KIF26B: variants seen among roughly 807,000 people sequenced by gnomAD.
KIF26B encodes the protein kinesin family member 26B.
In KIF26B, 63 loss-of-function variants were observed where a neutral mutation model predicts 151.2. The observed-to-expected ratio is 0.42, with a 90% CI of 0.34 to 0.51. The LOEUF (loss-of-function observed/expected upper bound fraction) is 0.51, where lower values mean the gene tolerates loss of function less well. KIF26B is among the 20% of genes least tolerant of loss of function. KIF26B has a pLI of 0.07. For missense variants in KIF26B, 2,813 were observed against 2,913.6 expected, an observed-to-expected ratio of 0.97 and a Z score of 0.79; for synonymous variants, 1,357 against 1,262.1, an observed-to-expected ratio of 1.08 and a Z score of -1.59.
Position 245,156,653 on chromosome 1 carries a change from G to A in KIF26B, c.435G>A (p.Arg145=), listed in dbSNP as rs752444847. ...RLVELKRQAL[R]LLLPGPFPGK... ...TGGAGCTCAAGAGGCAGGCCCTGAG[G>A]TTGCTCCTCCCGGGGCCCTTCCCGG... is the stretch of plus-strand genomic sequence containing the variant. The change falls in exon 2 of 15, where the codon AGG becomes AGA. Residue 145 remains arginine, a synonymous_variant. Coordinates refer to ENST00000407071, the MANE Select transcript of KIF26B (RefSeq NM_018012.4). The A allele has an allele frequency of 7.3e-4, 1,113 of 1,514,906 alleles. 3 individuals are homozygous for A. Among genetic ancestry groups the A allele is most frequent in the Non-Finnish European group, 9.3e-4 (1,057 of 1,138,748 alleles). 93.8% of individuals were successfully genotyped at this position (1,514,906 alleles called of 1,614,324 possible).
chr1:245,658,425 G>A (rs922756750), intron 10 of KIF26B, among the ~76,000 whole-genome samples: 2 of 152,038 alleles, frequency 1.3e-5, no homozygotes, highest in East Asian at 1.9e-4. Flanking sequence ...TTGAGACAGG[G>A]TGTCACTCCG....
rs188172146 is a variant in KIF26B at position 245,343,412 on chromosome 1, A to G, written c.466-23422A>G. ...TTATGTCTTTATGAGGAATATCTCC[A>G]TTCTGCCTCTGCTCTGCCAGGGTAA... On this transcript the variant is annotated intron_variant, in intron 2 of 14. Coordinates refer to ENST00000407071, the MANE Select transcript of KIF26B (RefSeq NM_018012.4). Among the ~76,000 whole-genome samples, 4 of 151,794 alleles carry G rather than the reference A, an allele frequency of 2.6e-5. No individual in the cohort carries two copies. In the East Asian group the frequency reaches 7.7e-4, roughly 29 times the overall value.
chr1:245,248,833 T>C (rs570054016), intron 2 of KIF26B, among the ~76,000 whole-genome samples: 2 of 152,198 alleles, frequency 1.3e-5, no homozygotes, highest in Non-Finnish European at 1.5e-5. Context: ...GGAAATCAAG[T>C]GTAAATCAGT....
chr1:245,370,742 T>C, intron 3 of KIF26B: 1 of 419,424 alleles, frequency 2.4e-6, no homozygotes, highest in South Asian at 1.7e-5. Flanking sequence ...AGATGCTGCT[T>C]AAACGGCCGA....
At chr1:245,277,006 G>A (rs879503099) in intron 2 of KIF26B, among the ~76,000 whole-genome samples, 18 of 152,142 alleles carry the variant, frequency 1.2e-4, no homozygotes, top group Non-Finnish European at 2.1e-4. Flanking sequence ...AAACACAGAG[G>A]AGAAGGCCAT....
At chr1:245,410,441 TTCTC>T (rs143484603) in intron 3 of KIF26B, among the ~76,000 whole-genome samples, 5 of 151,258 alleles carry the variant, frequency 3.3e-5, no homozygotes, top group Non-Finnish European at 7.4e-5. Context: ...TGTTGTGGGA[TTCTC>T]TCTCTCTCTC....
At chr1:245,428,377 G>A (rs775580282) in intron 4 of KIF26B, among the ~76,000 whole-genome samples, 6 of 152,104 alleles carry the variant, frequency 3.9e-5, no homozygotes, top group Non-Finnish European at 7.4e-5. Flanking sequence ...GATTTCAAGG[G>A]CCCTAGAAAA....
At chr1:245,660,621 A>G (rs1220959449) in intron 10 of KIF26B, among the ~76,000 whole-genome samples, 2 of 151,926 alleles carry the variant, frequency 1.3e-5, no homozygotes, top group African/African-American at 2.4e-5. Context: ...GATTACAGGC[A>G]TGAGCCACCG....
chr1:245,541,014 G>A (rs2103102905), intron 5 of KIF26B, 64 bp downstream of exon 5: 1 of 1,390,420 alleles, frequency 7.2e-7, no homozygotes, highest in East Asian at 2.3e-5. Flanking sequence ...AGTTTCAGGA[G>A]GAAGAAAATG....
chr1:245,193,775 A>T (rs1180140967), intron 2 of KIF26B, among the ~76,000 whole-genome samples: 1 of 152,318 alleles, frequency 6.6e-6, no homozygotes, highest in East Asian at 1.9e-4. Context: ...GCGTCCCTCC[A>T]CTGCGCCAGA....
At chr1:245,661,661 C>G (rs1445592278) in intron 10 of KIF26B, among the ~76,000 whole-genome samples, 3 of 148,528 alleles carry the variant, frequency 2.0e-5, no homozygotes, top group Non-Finnish European at 4.4e-5. Context: ...TATATATAGA[C>G]ACACACACTC....
intron 5 of KIF26B, among the ~76,000 whole-genome samples, chr1:245,570,037 G>A (rs1452049854): frequency 2.9e-5 from 4 of 137,222 alleles, no homozygotes; most frequent in African/African-American, 5.5e-5. Context: ...CTGGGTTCAC[G>A]CCATTCTCCT....
At chr1:245,518,091 T>G (rs911540676) in intron 4 of KIF26B, among the ~76,000 whole-genome samples, 1 of 152,016 alleles carries the variant, frequency 6.6e-6, no homozygotes, top group African/African-American at 2.4e-5. Context: ...AGGCTGGTCT[T>G]GAACTCCTGA....
chr1:245,184,942 T>C (rs1306077232), intron 2 of KIF26B, among the ~76,000 whole-genome samples: 1 of 152,194 alleles, frequency 6.6e-6, no homozygotes, highest in African/African-American at 2.4e-5. Flanking sequence ...AGCACTTAAT[T>C]AGACATTTCT....
intron 11 of KIF26B, among the ~76,000 whole-genome samples, chr1:245,685,084 C>T (rs2044492335): frequency 2.0e-5 from 3 of 152,266 alleles, no homozygotes; most frequent in South Asian, 2.1e-4. Flanking sequence ...GTTTCTTAAC[C>T]AGAGTTCCAC....
At chr1:245,179,349 C>T (rs1236227068) in intron 2 of KIF26B, among the ~76,000 whole-genome samples, 1 of 152,174 alleles carries the variant, frequency 6.6e-6, no homozygotes, top group Non-Finnish European at 1.5e-5. Context: ...GGAGGCCGGG[C>T]GCAGTGGCTC....
At chr1:245,443,316 A>AGG (rs1659162421) in intron 4 of KIF26B, among the ~76,000 whole-genome samples, 1 of 58,444 alleles carries the variant, frequency 1.7e-5, no homozygotes, top group Non-Finnish European at 3.5e-5. Flanking sequence ...TGTTCACCTA[A>AGG]AGCGGTCATC....
intron 4 of KIF26B, among the ~76,000 whole-genome samples, chr1:245,490,952 T>G (rs1660396985): frequency 6.6e-6 from 1 of 152,142 alleles, no homozygotes; most frequent in Non-Finnish European, 1.5e-5. Flanking sequence ...TGCAGGTAAA[T>G]GGTGTTTTGA....
At chr1:245,680,344 G>A (rs978441859) in intron 10 of KIF26B, among the ~76,000 whole-genome samples, 5 of 152,158 alleles carry the variant, frequency 3.3e-5, no homozygotes, top group East Asian at 1.9e-4. Context: ...CAGCTCTACC[G>A]GTTTGCTTTC....
Sources: gnomAD v4.1 joint callset for allele counts (sites outside exome capture counted in the v4.1 genomes callset) on GRCh38, gnomAD v4.1.1 for gene constraint, MANE v1.5 for transcripts, NCBI Gene and HGNC (gene_info 2026-07-23, HGNC 2026-07-21) for gene names.